KIF26B: variants seen among roughly 807,000 people sequenced by gnomAD.
KIF26B encodes the protein kinesin family member 26B, also known as kinesin-like protein KIF26B.
In KIF26B, 63 loss-of-function variants were observed where a neutral mutation model predicts 151.2. That is an observed-to-expected ratio of 0.42 (90% CI 0.34 to 0.51). The LOEUF (loss-of-function observed/expected upper bound fraction) is 0.51, where lower values mean the gene tolerates loss of function less well. Among genes scored for constraint, KIF26B ranks in the 20% least tolerant of loss-of-function variants. The pLI is 0.07. For missense variants in KIF26B, 2,813 were observed against 2,913.6 expected (o/e 0.97, Z 0.79); for synonymous variants, 1,357 against 1,262.1 (o/e 1.08, Z -1.59).
chr1:245,483,317 A>G (rs995971842), intron 4 of KIF26B, among the ~76,000 whole-genome samples: 6 of 151,844 alleles, frequency 4.0e-5, no homozygotes, highest in Non-Finnish European at 7.4e-5. Flanking sequence ...TAGTGTCCTC[A>G]TGCATAGATG....
rs1198174455 is a variant in KIF26B at position 245,352,798 on chromosome 1, A to G, written c.466-14036A>G. ...GTACGGGTTCCCCAACCCCACGACTAGAACTATCTTAGTGGTTTCTTCCTA... is the reference window on the plus strand; with the variant it reads ...GTACGGGTTCCCCAACCCCACGACTGGAACTATCTTAGTGGTTTCTTCCTA... On this transcript the variant is annotated intron_variant, in intron 2 of 14. Transcript: ENST00000407071. This position sits in a 1 kb window ranked among gnomAD's most constrained non-coding sequence, Gnocchi z 5.0. Among the ~76,000 whole-genome samples the G allele has an allele frequency of 6.6e-6, 1 of 152,076 alleles. No homozygotes were observed.
chr1:245,502,008 C>T (rs1404721099), intron 4 of KIF26B, among the ~76,000 whole-genome samples: 1 of 152,172 alleles, frequency 6.6e-6, no homozygotes, highest in African/African-American at 2.4e-5. Context: ...GCGGCGTGCA[C>T]TTCAGATGAG....
At chr1:245,626,402 G>GTTTT (rs34420692) in intron 9 of KIF26B, among the ~76,000 whole-genome samples, 135 of 148,722 alleles carry the variant, frequency 9.1e-4, no homozygotes, top group East Asian at 2.2e-3. Context: ...TTCATGGTGG[G>GTTTT]TTTTTTTTTT....
chr1:245,532,435 C>T (rs527796385), intron 4 of KIF26B, among the ~76,000 whole-genome samples: 7 of 151,744 alleles, frequency 4.6e-5, no homozygotes, highest in Middle Eastern at 3.4e-3. Context: ...TTGGTAGAGA[C>T]GGGGTTTCAT....
In KIF26B at chr1:245,244,750, G is replaced by GCACACACACACACA. The variant is rs1670283660; in HGVS notation, c.465+88072_465+88073insACACACACACACAC. Among the ~76,000 whole-genome samples, 1 of 59,556 alleles carries GCACACACACACACA rather than the reference G, an allele frequency of 1.7e-5. No homozygotes were observed. Among genetic ancestry groups the GCACACACACACACA allele is most frequent in the African/African-American group, 5.5e-5 (1 of 18,324 alleles). 39.1% of individuals were successfully genotyped at this position (59,556 alleles called of 152,430 possible). ...TTTGTGAGAAGGAACACACAGACAC[G>GCACACACACACACA]CACACTCACACACACACACACACAC... On this transcript the variant is annotated intron_variant, in intron 2 of 14. Coordinates refer to ENST00000407071, the MANE Select transcript of KIF26B (RefSeq NM_018012.4). The surrounding 1 kb of genome is among the most constrained non-coding windows in gnomAD (Gnocchi z 4.2).
At chr1:245,183,266 A>G (rs1028846045) in intron 2 of KIF26B, among the ~76,000 whole-genome samples, 4 of 152,066 alleles carry the variant, frequency 2.6e-5, no homozygotes, top group Non-Finnish European at 5.9e-5. Context: ...TTATCTTTTC[A>G]CTTTCTTGAT....
intron 10 of KIF26B, among the ~76,000 whole-genome samples, chr1:245,671,473 C>T (rs1321994789): frequency 2.6e-5 from 4 of 151,914 alleles, no homozygotes; most frequent in Admixed American, 6.6e-5. Flanking sequence ...TACCGGGGGC[C>T]GGGGGAGTAG....
At chr1:245,635,627 T>A (rs1343320639) in intron 9 of KIF26B, among the ~76,000 whole-genome samples, 2 of 120,612 alleles carry the variant, frequency 1.7e-5, no homozygotes, top group Admixed American at 9.5e-5. Context: ...TTTCTGCTAT[T>A]TTTTTTCCTT....
In KIF26B at chr1:245,161,764, C is replaced by T. The variant is rs1010764773; in HGVS notation, c.465+5081C>T. Among the ~76,000 whole-genome samples, 4 of 152,114 alleles carry T rather than the reference C, an allele frequency of 2.6e-5. No homozygotes were observed. In the South Asian group the frequency reaches 8.3e-4, roughly 32 times the overall value. On this transcript the variant is annotated intron_variant, in intron 2 of 14. Transcript: ENST00000407071. ...GCATGAAGAAAAAATATGCAAGGAACAGAGAAATCCAATCACACTTTCCCC... is the reference window on the plus strand; with the variant it reads ...GCATGAAGAAAAAATATGCAAGGAATAGAGAAATCCAATCACACTTTCCCC...
At chr1:245,441,646 T>G (rs574766490) in intron 4 of KIF26B, among the ~76,000 whole-genome samples, 2 of 152,288 alleles carry the variant, frequency 1.3e-5, no homozygotes, top group Admixed American at 6.5e-5. Flanking sequence ...CATTCCTATA[T>G]TTTTATGTGG....
At chr1:245,535,244 A>G (rs567734316) in intron 4 of KIF26B, among the ~76,000 whole-genome samples, 13 of 152,326 alleles carry the variant, frequency 8.5e-5, no homozygotes, top group South Asian at 4.1e-4. Context: ...ATTGGAATAT[A>G]TAAAAAAAGA....
chr1:245,280,496 A>G (rs1458198377), intron 2 of KIF26B, among the ~76,000 whole-genome samples: 4 of 132,592 alleles, frequency 3.0e-5, no homozygotes, highest in Non-Finnish European at 4.6e-5. Flanking sequence ...GCACCACTGC[A>G]CTCCAGCCTG....
At chr1:245,179,528 G>T (rs967936637) in intron 2 of KIF26B, among the ~76,000 whole-genome samples, 1 of 152,144 alleles carries the variant, frequency 6.6e-6, no homozygotes, top group African/African-American at 2.4e-5. Context: ...GGAGGCTGAG[G>T]CAGGAGAATC....
chr1:245,296,000 A>T (rs1357865141), intron 2 of KIF26B, among the ~76,000 whole-genome samples: 1 of 152,088 alleles, frequency 6.6e-6, no homozygotes, highest in African/African-American at 2.4e-5. Flanking sequence ...TCATCTTTGT[A>T]CCTCCTGCAT....
At chr1:245,330,160 T>A (rs978162490) in intron 2 of KIF26B, among the ~76,000 whole-genome samples, 7 of 151,302 alleles carry the variant, frequency 4.6e-5, no homozygotes, top group African/African-American at 1.7e-4. Flanking sequence ...GTCCCAAGGC[T>A]CCATGTAGAA....
intron 3 of KIF26B, among the ~76,000 whole-genome samples, chr1:245,382,096 G>A (rs764970831): frequency 3.3e-5 from 5 of 152,108 alleles, no homozygotes; most frequent in East Asian, 3.9e-4. Context: ...GAAGTAGAAC[G>A]GCTGGGTCAA....
At chr1:245,212,564 A>C (rs549203305) in intron 2 of KIF26B, among the ~76,000 whole-genome samples, 3 of 152,314 alleles carry the variant, frequency 2.0e-5, no homozygotes, top group African/African-American at 7.2e-5. Context: ...CTACGGGTGA[A>C]TGAGGCTTGC....
At chr1:245,423,462 G>T (rs1420818856) in intron 4 of KIF26B, among the ~76,000 whole-genome samples, 1 of 149,468 alleles carries the variant, frequency 6.7e-6, no homozygotes, top group Non-Finnish European at 1.5e-5. Context: ...GACACAGGAA[G>T]ACACTTTATT....
At chr1:245,547,355 C>T (rs562720510) in intron 5 of KIF26B, among the ~76,000 whole-genome samples, 189 of 152,150 alleles carry the variant, frequency 1.2e-3, no homozygotes, top group African/African-American at 4.4e-3. Context: ...GAGATTGAGG[C>T]GGGTGGATCA....
Sources: gnomAD v4.1 joint callset for allele counts (sites outside exome capture counted in the v4.1 genomes callset) on GRCh38, gnomAD v4.1.1 for gene constraint, Gnocchi (gnomAD v3.1) non-coding constraint, MANE v1.5 for transcripts, NCBI Gene and HGNC (gene_info 2026-07-23, HGNC 2026-07-21) for gene names.